The following LAMP5 variants were observed in gnomAD, a reference collection of about 807,000 sequenced individuals.
LAMP5 encodes the protein lysosome-associated membrane glycoprotein 5.
Under a neutral mutation model 30.2 loss-of-function variants are expected in LAMP5, and 36 were observed. That is an observed-to-expected ratio of 1.19 (90% CI 0.91 to 1.57). The LOEUF is 1.57. Ranked by LOEUF, LAMP5 falls within the 40% of genes most tolerant of loss-of-function variation. The pLI, the probability that LAMP5 is intolerant of heterozygous loss-of-function variation, is 0.00. For missense variants in LAMP5, 377 were observed against 354.9 expected, an observed-to-expected ratio of 1.06 and a Z score of -0.50; for synonymous variants, 149 against 134.6, an observed-to-expected ratio of 1.11 and a Z score of -0.74.
chr20:9,518,045 A>G lies in LAMP5; in HGVS notation c.481A>G (p.Lys161Glu), dbSNP rs749128930. 1.9e-6 allele frequency: 3 copies of G among 1,606,996 alleles called. No homozygotes were observed. Residue 161 changes from lysine to glutamate, a missense_variant, in exon 5 of 6, where the codon AAG becomes GAG. By Grantham distance (56) the Lys-to-Glu change is moderately conservative. Coordinates refer to ENST00000246070, the MANE Select transcript of LAMP5 (RefSeq NM_012261.4). ...GCTCTGGGCTCTTGCTGTAGCTGGG[A>G]AGCACACAGCCAACTCGCACCACCT... is the stretch of plus-strand genomic sequence containing the variant. ...THFKDAVSAGKHTANSHHLSA... is the reference protein window; with the variant it reads ...THFKDAVSAGEHTANSHHLSA...
At chr20:9,515,351 C>CT in intron 1 of LAMP5, 102 bp from the exon 2 acceptor site, 1 of 1,120,992 alleles carries the variant, frequency 8.9e-7, no homozygotes. Context: ...TGGCAGAGAA[C>CT]TTTGTCACTC....
Position 9,530,197 on chromosome 20 carries a change from AG to A in LAMP5, c.*378del, listed in dbSNP as rs1178428660. 5.4e-6 allele frequency: 1 copy of A among 186,162 alleles called. No homozygotes were observed. Among genetic ancestry groups the A allele is most frequent in the Non-Finnish European group, 1.1e-5 (1 of 87,120 alleles). 11.5% of individuals were successfully genotyped at this position (186,162 alleles called of 1,614,324 possible). On this transcript the variant is annotated 3_prime_UTR_variant, in exon 6 of 6. Transcript: ENST00000246070. ...TTGAGGAGGAAACCCCTTTAGGTTC[AG>A]AAGAATATGGGGTGCTTTGCTCCCT...
At chr20:9,529,282 C>T (rs531229585) in intron 5 of LAMP5, among the ~76,000 whole-genome samples, 14 of 151,436 alleles carry the variant, frequency 9.2e-5, no homozygotes, top group South Asian at 4.2e-4. Flanking sequence ...TTATATAATG[C>T]GTTATGTGTA....
At chr20:9,515,342 G>A (rs1186640353) in intron 1 of LAMP5, 111 bp from the exon 2 acceptor site, 1 of 967,098 alleles carries the variant, frequency 1.0e-6, no homozygotes, top group African/African-American at 1.7e-5. Context: ...CACAGCTGCT[G>A]GCAGAGAACT....
rs201344388 is a variant in LAMP5, at chr20:9,518,065, C to T, written c.501C>T (p.His167=). The T allele has an allele frequency of 8.7e-6, 14 of 1,613,878 alleles. No homozygotes were observed. The highest frequency in any genetic ancestry group is 1.7e-5 in the Admixed American group (1 of 59,996). The change falls in exon 5 of 6, where the codon CAC becomes CAT. Residue 167 remains histidine, a synonymous_variant. Transcript: ENST00000246070. ...VSAGKHTANS[H]HLSALVTPAG... ...CTGGGAAGCACACAGCCAACTCGCA[C>T]CACCTCTCTGCCTTGGTCACCCCCG... is the stretch of plus-strand genomic sequence containing the variant.
At chr20:9,516,198 A>G (rs2045037832) in intron 3 of LAMP5, 58 bp from the exon 4 acceptor site, 1 of 1,608,082 alleles carries the variant, frequency 6.2e-7, no homozygotes, top group Non-Finnish European at 8.5e-7. Flanking sequence ...GGCGGCCCCT[A>G]GGTTTAAGAA....
chr20:9,522,875 T>G (rs1456862019), intron 5 of LAMP5, among the ~76,000 whole-genome samples: 1 of 151,830 alleles, frequency 6.6e-6, no homozygotes, highest in Non-Finnish European at 1.5e-5. Context: ...TTCAGTCTAG[T>G]GGGATAGGGT....
At chr20:9,522,544 A>G (rs1438228068) in intron 5 of LAMP5, among the ~76,000 whole-genome samples, 4 of 152,250 alleles carry the variant, frequency 2.6e-5, no homozygotes, top group Admixed American at 2.0e-4. Context: ...GAGGACTCCA[A>G]GATGGAGCCC....
chr20:9,522,852 C>T (rs2045087869), intron 5 of LAMP5, among the ~76,000 whole-genome samples: 1 of 152,140 alleles, frequency 6.6e-6, no homozygotes, highest in Admixed American at 6.6e-5. Flanking sequence ...ACATTTTCTG[C>T]CACACTGAAA....
intron 5 of LAMP5, among the ~76,000 whole-genome samples, chr20:9,520,655 T>C (rs1363238851): frequency 6.6e-6 from 1 of 151,952 alleles, no homozygotes. Flanking sequence ...CACAGCATAA[T>C]GGTTTCCTGT....
intron 5 of LAMP5, among the ~76,000 whole-genome samples, chr20:9,529,408 G>T (rs1387084563): frequency 6.6e-6 from 1 of 152,180 alleles, no homozygotes; most frequent in African/African-American, 2.4e-5. Flanking sequence ...GTTGACATCT[G>T]CCAGGAATCC....
chr20:9,524,590 C>G (rs139768143), intron 5 of LAMP5, among the ~76,000 whole-genome samples: 1 of 83,084 alleles, frequency 1.2e-5, no homozygotes, highest in Non-Finnish European at 2.2e-5. Flanking sequence ...AAACCCAGAT[C>G]GAACTAAAAA....
chr20:9,516,035 G>A lies in LAMP5; in HGVS notation c.273G>A (p.Arg91=), dbSNP rs767287888. The change falls in exon 3 of 6, where the codon CGG becomes CGA. Residue 91 remains arginine, a synonymous_variant. Coordinates refer to ENST00000246070, the MANE Select transcript of LAMP5 (RefSeq NM_012261.4). ...ITEQADIALT[R]GAEVKGRCGH... ...AACAGGCCGATATCGCATTGACCCGGGGAGCTGAGGTGAAGGGCCGCTGTG... is the reference window on the plus strand; with the variant it reads ...AACAGGCCGATATCGCATTGACCCGAGGAGCTGAGGTGAAGGGCCGCTGTG... 1 of 1,534,980 alleles carries A rather than the reference G, an allele frequency of 6.5e-7. No homozygotes were observed. Among genetic ancestry groups the A allele is most frequent in the Admixed American group, 2.2e-5 (1 of 45,078 alleles).
Position 9,529,854 on chromosome 20 carries a change from C to T in LAMP5, c.*34C>T. 1.2e-6 allele frequency: 2 copies of T among 1,602,970 alleles called. No individual in the cohort carries two copies. The highest frequency in any genetic ancestry group is 8.5e-7 in the Non-Finnish European group (1 of 1,170,918). On this transcript the variant is annotated 3_prime_UTR_variant, in exon 6 of 6. Transcript: ENST00000246070. ...AGGCAGGCACCCCCTATTCCTGCTC[C>T]CCCAACTGGATCAGGTAGAACAACA...
At chr20:9,522,967 TA>T (rs1028712734) in intron 5 of LAMP5, among the ~76,000 whole-genome samples, 4 of 145,422 alleles carry the variant, frequency 2.8e-5, no homozygotes, top group African/African-American at 1.1e-4. Context: ...CTCTAATACT[TA>T]AATCTTTTTT....
chr20:9,518,845 C>T (rs1457258365), intron 5 of LAMP5, among the ~76,000 whole-genome samples: 1 of 152,226 alleles, frequency 6.6e-6, no homozygotes, highest in East Asian at 1.9e-4. Context: ...AGATCATGGA[C>T]TCATCAAGTC....
At chr20:9,524,369 G>C (rs2045097686) in intron 5 of LAMP5, among the ~76,000 whole-genome samples, 1 of 151,970 alleles carries the variant, frequency 6.6e-6, no homozygotes, top group Non-Finnish European at 1.5e-5. Flanking sequence ...GAATAGAATA[G>C]AGCATAAATT....
Position 9,516,360 on chromosome 20 carries a change from T to C in LAMP5, c.474T>C (p.Ser158=), listed in dbSNP as rs1188841525. 3 of 1,612,146 alleles carry C rather than the reference T, an allele frequency of 1.9e-6. No homozygotes were observed. The change falls in exon 4 of 6, where the codon AGT becomes AGC. Residue 158 remains serine (S), a splice_region_variant and synonymous_variant. Transcript: ENST00000246070. ...AAACCCACTTCAAAGACGCAGTCAG[T>C]GGTGAGTGGAGGCTGGCATGGCTGG... ...SEKTHFKDAV[S]AGKHTANSHH...
Position 9,516,351 on chromosome 20 carries a change from C to A in LAMP5, c.465C>A (p.Asp155Glu). 1 of 1,613,732 alleles carries A rather than the reference C, an allele frequency of 6.2e-7. No homozygotes were observed. The highest frequency in any genetic ancestry group is 8.5e-7 in the Non-Finnish European group (1 of 1,179,680). The change falls in exon 4 of 6, where the codon GAC becomes GAA. Residue 155 changes from aspartate to glutamate, a missense_variant. Transcript: ENST00000246070. ...CCTCGGAGAAAACCCACTTCAAAGA[C>A]GCAGTCAGTGGTGAGTGGAGGCTGG... ...YDSSEKTHFK[D>E]AVSAGKHTAN...
Sources: gnomAD v4.1 joint callset for allele counts (sites outside exome capture counted in the v4.1 genomes callset) on GRCh38, gnomAD v4.1.1 for gene constraint, MANE v1.5 for transcripts, NCBI Gene and HGNC (gene_info 2026-07-23, HGNC 2026-07-21) for gene names.